Variants in PRDM8 observed in about 807,000 individuals in gnomAD.
PRDM8 encodes the protein PR/SET domain 8, also known as PR domain zinc finger protein 8.
Under a neutral mutation model 46.5 loss-of-function variants are expected in PRDM8, and 13 were observed. The observed-to-expected ratio is 0.28, with a 90% confidence interval of 0.18 to 0.44. The LOEUF (loss-of-function observed/expected upper bound fraction) is 0.44, where lower values mean the gene tolerates loss of function less well. PRDM8 is among the 20% of genes least tolerant of loss of function. The pLI is 1.00. For missense variants in PRDM8, 998 were observed against 955.0 expected (o/e 1.04, Z -0.59); for synonymous variants, 473 against 438.4 (o/e 1.08, Z -0.98).
Position 80,202,746 on chromosome 4 carries a change from G to A in PRDM8, c.1284G>A (p.Ala428=). The part of the protein sequence containing the change: ...GGGGSSTPAA[A]SPVGAEKLLA... ...GCGGCTCCTCCACGCCCGCGGCCGC[G>A]TCACCGGTGGGCGCCGAGAAGCTGC... Residue 428 remains alanine, a synonymous_variant, in exon 4 of 4, where the codon GCG becomes GCA. Coordinates refer to ENST00000415738, the MANE Select transcript of PRDM8 (RefSeq NM_001099403.2). The A allele has an allele frequency of 1.6e-6, 2 of 1,287,568 alleles. No individual in the cohort carries two copies. The highest frequency in any genetic ancestry group is 4.2e-5 in the Admixed American group (1 of 23,794). The allele number at this position is 1,287,568 out of a possible 1,614,324, so 79.8% of individuals were successfully genotyped here.
Position 80,200,235 on chromosome 4 carries a change from A to G in PRDM8, c.155A>G (p.Tyr52Cys). The change falls in exon 2 of 4, where the codon TAT becomes TGT. Residue 52 changes from tyrosine (Y) to cysteine (C), a missense_variant. By Grantham distance (194) the Tyr-to-Cys change is radical. Transcript: ENST00000415738. ...TGTGTCCTGAGCCATACTTCCCTATATGACAGCATAGCTTTCATAGCTCTC... is the reference window on the plus strand; with the variant it reads ...TGTGTCCTGAGCCATACTTCCCTATGTGACAGCATAGCTTTCATAGCTCTC... ...GPCVLSHTSL[Y>C]DSIAFIALKS... 6.2e-7 allele frequency: 1 copy of G among 1,614,166 alleles called. No homozygotes were observed. The highest frequency in any genetic ancestry group is 8.5e-7 in the Non-Finnish European group (1 of 1,180,004).
upstream of PRDM8, chr4:80,197,414 A>G (rs1738044272): frequency 7.1e-6 from 7 of 983,658 alleles, no homozygotes; most frequent in Middle Eastern, 5.2e-4. Context: ...CTGGCCCAGC[A>G]AAGAGTTAAA....
chr4:80,202,901 C>T lies in PRDM8; in HGVS notation c.1439C>T (p.Ala480Val). 2.3e-6 allele frequency: 3 copies of T among 1,331,152 alleles called. No individual in the cohort carries two copies. Among genetic ancestry groups the T allele is most frequent in the Non-Finnish European group, 1.9e-6 (2 of 1,051,780 alleles). The allele number at this position is 1,331,152 out of a possible 1,614,324, so 82.5% of individuals were successfully genotyped here. Reference protein sequence around the residue: ...GSTSGGGGTGAGAAGGAGGGQ... With the variant: ...GSTSGGGGTGVGAAGGAGGGQ... Reference sequence around the variant, plus strand: ...ACCAGCGGTGGGGGCGGAACGGGCGCCGGGGCCGCAGGCGGCGCGGGCGGG... The same window carrying T: ...ACCAGCGGTGGGGGCGGAACGGGCGTCGGGGCCGCAGGCGGCGCGGGCGGG... Residue 480 changes from alanine to valine, a missense_variant, in exon 4 of 4, where the codon GCC (alanine) becomes GTC (valine). Coordinates refer to ENST00000415738, the MANE Select transcript of PRDM8 (RefSeq NM_001099403.2).
chr4:80,196,160 T>A (rs1737943900), upstream of PRDM8: 2 of 933,118 alleles, frequency 2.1e-6, no homozygotes, highest in Non-Finnish European at 2.6e-6. Context: ...AAATACATTA[T>A]TTCAACACTA....
Position 80,202,730 on chromosome 4 carries a change from C to A in PRDM8, c.1268C>A (p.Ser423Tyr). Residue 423 changes from serine to tyrosine, a missense_variant, in exon 4 of 4, where the codon TCC becomes TAC. Coordinates refer to ENST00000415738, the MANE Select transcript of PRDM8 (RefSeq NM_001099403.2). ...DQDAGGGGGS[S>Y]TPAAASPVGA... ...GACGCTGGCGGCGGCGGCGGCTCCT[C>A]CACGCCCGCGGCCGCGTCACCGGTG... The A allele has an allele frequency of 7.7e-7, 1 of 1,302,276 alleles. No individual in the cohort carries two copies. Among genetic ancestry groups the A allele is most frequent in the South Asian group, 2.4e-5 (1 of 41,854 alleles). 80.7% of individuals were successfully genotyped at this position (1,302,276 alleles called of 1,614,324 possible). A position where few individuals can be genotyped will look rare whatever the true frequency, so the allele number is the denominator to read the frequency against.
In PRDM8 at chr4:80,201,306, C is replaced by G; in HGVS notation, c.236C>G (p.Ala79Gly). The change falls in exon 3 of 4, where the codon GCA (alanine) becomes GGA (glycine). Residue 79 changes from alanine (A) to glycine (G), a missense_variant. Coordinates refer to ENST00000415738, the MANE Select transcript of PRDM8 (RefSeq NM_001099403.2). ...AAACCGCAGGTAGACACCTCAGCAG[C>G]AAATGGTTCCTCAGAAGGTCTCATG... ...PYIFRVDTSA[A>G]NGSSEGLMWL... 6.2e-7 allele frequency: 1 copy of G among 1,614,202 alleles called. No homozygotes were observed.
chr4:80,201,012 G>T (rs537701751), intron 2 of PRDM8, among the ~76,000 whole-genome samples: 1 of 152,272 alleles, frequency 6.6e-6, no homozygotes, highest in East Asian at 1.9e-4. Context: ...ATTATAAGAA[G>T]AAATTTCCTC....
chr4:80,202,506 G>T lies in PRDM8; in HGVS notation c.1044G>T (p.Leu348=). 6.5e-7 allele frequency: 1 copy of T among 1,539,772 alleles called. No individual in the cohort carries two copies. Among genetic ancestry groups the T allele is most frequent in the Non-Finnish European group, 8.7e-7 (1 of 1,146,612 alleles). ...ERPLPASKED[L]VCTPQQYRAS... is the part of the protein sequence containing the mutation. ...CCCTCCCGGCCTCCAAGGAGGATCT[G>T]GTGTGCACACCGCAGCAGTACCGAG... The change falls in exon 4 of 4, where the codon CTG becomes CTT. Residue 348 remains leucine (L), a synonymous_variant. Transcript: ENST00000415738.
chr4:80,201,447 T>C lies in PRDM8; in HGVS notation c.377T>C (p.Leu126Ser). Residue 126 changes from leucine (L) to serine (S), a missense_variant, in exon 3 of 4, where the codon TTA (leucine) becomes TCA (serine). Coordinates refer to ENST00000415738, the MANE Select transcript of PRDM8 (RefSeq NM_001099403.2). ...SLRRIAKDEE[L>S]LVWYGKELTE... Reference sequence around the variant, plus strand: ...CGCAGGATTGCCAAAGACGAGGAGTTACTAGTTTGGTACGGGAAAGAACTG... The same window carrying C: ...CGCAGGATTGCCAAAGACGAGGAGTCACTAGTTTGGTACGGGAAAGAACTG... 6.2e-7 allele frequency: 1 copy of C among 1,614,234 alleles called. No homozygotes were observed. Among genetic ancestry groups the C allele is most frequent in the Non-Finnish European group, 8.5e-7 (1 of 1,180,032 alleles).
upstream of PRDM8, among the ~76,000 whole-genome samples, chr4:80,193,748 C>T (rs967020942): frequency 2.0e-5 from 3 of 152,216 alleles, no homozygotes; most frequent in African/African-American, 7.2e-5. Flanking sequence ...GGAGCTGCCA[C>T]TGTCTGCTCC....
chr4:80,196,635 C>T (rs1262122771), upstream of PRDM8: 24 of 983,856 alleles, frequency 2.4e-5, no homozygotes, highest in Non-Finnish European at 2.7e-5. Context: ...CCCTTGCCCC[C>T]CAACCCCAAG....
intron 2 of PRDM8, 93 bp downstream of exon 2, chr4:80,200,392 T>C: frequency 8.4e-7 from 1 of 1,184,980 alleles, no homozygotes; most frequent in South Asian, 1.5e-5. Context: ...GAGATAGGTT[T>C]TGCCTGTGGA....
Position 80,203,738 on chromosome 4 carries a change from AC to A in PRDM8, c.*215del, listed in dbSNP as rs553037634. ...ATTCAAATATTTACCCGGGACACAC[AC>A]CCCCCCCCACACACACACACAGACA... is the stretch of plus-strand genomic sequence containing the variant. On this transcript the variant is annotated 3_prime_UTR_variant, in exon 4 of 4. Transcript: ENST00000415738. 6.1e-3 allele frequency: 2,222 copies of A among 366,360 alleles called. 3 individuals carry two copies. The highest frequency in any genetic ancestry group is 8.2e-3 in the Middle Eastern group (10 of 1,222). 22.7% of individuals were successfully genotyped at this position (366,360 alleles called of 1,614,324 possible). A position where few individuals can be genotyped will look rare whatever the true frequency, so the allele number is the denominator to read the frequency against.
Position 80,202,434 on chromosome 4 carries a change from C to CGGTGGCGCT in PRDM8, c.976_984dup (p.Gly326_Gly328dup), listed in dbSNP as rs1560477758. ...TCCCGGAGGAGGCGGCGGAGGGCGG[C>CGGTGGCGCT]GGTGGCGCTGGTCTGGTAGGGGGCC... On this transcript the variant is annotated inframe_insertion, in exon 4 of 4. Coordinates refer to ENST00000415738, the MANE Select transcript of PRDM8 (RefSeq NM_001099403.2). 3 of 1,548,132 alleles carry CGGTGGCGCT rather than the reference C, an allele frequency of 1.9e-6. No homozygotes were observed. Among genetic ancestry groups the CGGTGGCGCT allele is most frequent in the Non-Finnish European group, 1.7e-6 (2 of 1,147,092 alleles).
At chr4:80,186,760 G>A (rs906604732) in intron 1 of PRDM8, among the ~76,000 whole-genome samples, 8 of 152,134 alleles carry the variant, frequency 5.3e-5, no homozygotes, top group East Asian at 1.9e-4. Context: ...TGCCTCTTCC[G>A]TGTTTTGTTT....
At chr4:80,194,646 G>A (rs2109868975), upstream of PRDM8, among the ~76,000 whole-genome samples, 1 of 152,212 alleles carries the variant, frequency 6.6e-6, no homozygotes, top group Middle Eastern at 3.4e-3. Flanking sequence ...TACTTATATT[G>A]TTTTGTTATG....
At chr4:80,196,102 T>C (rs967737662), upstream of PRDM8, 6 of 982,484 alleles carry the variant, frequency 6.1e-6, no homozygotes, top group Admixed American at 6.2e-5. Context: ...GTCTCAAAGC[T>C]GGGAGAGGAT....
At position 80,201,409 on chromosome 4, in the gene PRDM8, C is replaced by G. The variant is rs757412965; in HGVS notation, c.339C>G (p.Phe113Leu). ...LEAYIKNGQL[F>L]YRSLRRIAKD... ...CCTACATAAAAAACGGACAGCTGTT[C>G]TACCGCTCTCTCCGCAGGATTGCCA... Residue 113 changes from phenylalanine (F) to leucine (L), a missense_variant, in exon 3 of 4, where the codon TTC (phenylalanine) becomes TTG (leucine). Physicochemically the swap from Phe to Leu is conservative, Grantham distance 22. Coordinates refer to ENST00000415738, the MANE Select transcript of PRDM8 (RefSeq NM_001099403.2). 1 of 1,614,242 alleles carries G rather than the reference C, an allele frequency of 6.2e-7. No individual in the cohort carries two copies. Among genetic ancestry groups the G allele is most frequent in the South Asian group, 1.1e-5 (1 of 91,082 alleles).
chr4:80,197,035 G>GA, upstream of PRDM8: 1 of 985,422 alleles, frequency 1.0e-6, no homozygotes, highest in Non-Finnish European at 1.2e-6. Context: ...AACTAGCTGC[G>GA]CAAATCAGCG....
Sources: gnomAD v4.1 joint callset for allele counts (sites outside exome capture counted in the v4.1 genomes callset) on GRCh38, gnomAD v4.1.1 for gene constraint, MANE v1.5 for transcripts, NCBI Gene and HGNC (gene_info 2026-07-23, HGNC 2026-07-21) for gene names.